Variants in MAPKAP1 observed in about 807,000 individuals in gnomAD.
MAPKAP1 encodes target of rapamycin complex 2 subunit MAPKAP1.
Under a neutral mutation model 65.7 loss-of-function variants are expected in MAPKAP1, and 20 were observed. The observed-to-expected ratio is 0.30, with a 90% CI of 0.21 to 0.44. The LOEUF is 0.44. Among genes scored for constraint, MAPKAP1 ranks in the 20% least tolerant of loss-of-function variants. The pLI, the probability that MAPKAP1 is intolerant of heterozygous loss-of-function variation, is 1.00. For missense variants in MAPKAP1, 423 were observed against 648.0 expected, an observed-to-expected ratio of 0.65 and a Z score of 3.77; for synonymous variants, 222 against 244.3, an observed-to-expected ratio of 0.91 and a Z score of 0.85.
At chr9:125,624,795 A>AG (rs1833047064) in intron 4 of MAPKAP1, among the ~76,000 whole-genome samples, 1 of 85,302 alleles carries the variant, frequency 1.2e-5, no homozygotes. Context: ...TGTGGAATAG[A>AG]AAGGCGGGAA....
intron 8 of MAPKAP1, among the ~76,000 whole-genome samples, chr9:125,503,928 G>C (rs1427059177): frequency 7.3e-6 from 1 of 137,274 alleles, no homozygotes; most frequent in Non-Finnish European, 1.5e-5. Context: ...GTAGAGACGG[G>C]GGTTTGCCAT....
At position 125,639,014 on chromosome 9, in the gene MAPKAP1, G is replaced by A. The variant is rs116122382; in HGVS notation, c.498+18637C>T. Among the ~76,000 whole-genome samples the A allele has an allele frequency of 5.2e-3, 788 of 152,172 alleles. 4 individuals carry two copies. Among genetic ancestry groups the A allele is most frequent in the African/African-American group, 0.017 (712 of 41,514 alleles). On this transcript the variant is annotated intron_variant, in intron 4 of 11. Coordinates refer to ENST00000265960, the MANE Select transcript of MAPKAP1 (RefSeq NM_001006617.3). ...AACACTTTGGGAGGCTGAGACGGGC[G>A]GACCACCTGAAGCCAGGAGTTCGAG...
Position 125,552,798 on chromosome 9 carries a change from C to A in MAPKAP1, c.848+6835G>T, listed in dbSNP as rs184874964. On this transcript the variant is annotated intron_variant, in intron 6 of 11. Coordinates refer to ENST00000265960, the MANE Select transcript of MAPKAP1 (RefSeq NM_001006617.3). ...CAGAATTTAAAAACCTGTTTTCTAA[C>A]GGTGATGTGAGCCTCTAGTTCCAGC... Among the ~76,000 whole-genome samples, 371 of 152,254 alleles carry A rather than the reference C, an allele frequency of 2.4e-3. 2 individuals are homozygous for A. Among genetic ancestry groups the A allele is most frequent in the Non-Finnish European group, 4.0e-3 (275 of 68,024 alleles).
intron 6 of MAPKAP1, among the ~76,000 whole-genome samples, chr9:125,557,345 A>C (rs7041061): frequency 0.011 from 1,710 of 152,336 alleles, 40 homozygotes; most frequent in African/African-American, 0.038. Context: ...AAAAAGTTCT[A>C]GTCATATTAA....
At chr9:125,452,431 C>A (rs1008146704) in intron 10 of MAPKAP1, among the ~76,000 whole-genome samples, 1 of 152,022 alleles carries the variant, frequency 6.6e-6, no homozygotes, top group Non-Finnish European at 1.5e-5. Context: ...ACCATCTGGA[C>A]CCCCTACTTA....
At chr9:125,577,464 C>T (rs960404965) in intron 5 of MAPKAP1, among the ~76,000 whole-genome samples, 5 of 146,242 alleles carry the variant, frequency 3.4e-5, no homozygotes, top group African/African-American at 7.6e-5. Flanking sequence ...CCCAGCCAGC[C>T]GCCCCGTCTG....
intron 10 of MAPKAP1, among the ~76,000 whole-genome samples, chr9:125,454,383 A>G (rs920027338): frequency 2.0e-5 from 3 of 152,222 alleles, no homozygotes; most frequent in African/African-American, 7.2e-5. Flanking sequence ...CAAGTACTCT[A>G]TGGGAGGCTA....
At chr9:125,572,840 T>C (rs955458648) in intron 5 of MAPKAP1, 2 of 152,222 alleles carry the variant, frequency 1.3e-5, no homozygotes, top group Non-Finnish European at 2.9e-5. Context: ...TGTGTAGGAA[T>C]ACAGGACAAG....
At chr9:125,502,265 C>T (rs569096308) in intron 8 of MAPKAP1, among the ~76,000 whole-genome samples, 4 of 152,004 alleles carry the variant, frequency 2.6e-5, no homozygotes, top group African/African-American at 9.7e-5. Flanking sequence ...CCATGCCTGG[C>T]TAATTTTTAA....
chr9:125,565,773 T>C (rs1009698819), intron 5 of MAPKAP1: 2 of 413,214 alleles, frequency 4.8e-6, no homozygotes, highest in Non-Finnish European at 9.6e-6. Flanking sequence ...AAAAGGTTAT[T>C]ATCTATAACT....
chr9:125,665,942 TGAG>T (rs1307461859), intron 3 of MAPKAP1, among the ~76,000 whole-genome samples: 3 of 152,356 alleles, frequency 2.0e-5, no homozygotes, highest in South Asian at 2.1e-4. Flanking sequence ...TCGAACTTCT[TGAG>T]GAGAGGATTC....
chr9:125,608,491 C>A (rs544961557), intron 4 of MAPKAP1, among the ~76,000 whole-genome samples: 1 of 152,302 alleles, frequency 6.6e-6, no homozygotes, highest in African/African-American at 2.4e-5. Context: ...ATCACATTTG[C>A]ATTTAGGGCT....
intron 1 of MAPKAP1, among the ~76,000 whole-genome samples, chr9:125,691,255 C>T (rs866830136): frequency 2.6e-5 from 4 of 151,908 alleles, no homozygotes; most frequent in African/African-American, 4.8e-5. Context: ...AGCAAGACTC[C>T]GTCTCAAAAA....
At chr9:125,564,191 G>GA (rs1274190611) in intron 5 of MAPKAP1, among the ~76,000 whole-genome samples, 9 of 152,200 alleles carry the variant, frequency 5.9e-5, no homozygotes, top group Non-Finnish European at 1.2e-4. Flanking sequence ...CAAAGGTGAG[G>GA]ATGAAAGGGG....
intron 4 of MAPKAP1, among the ~76,000 whole-genome samples, chr9:125,656,907 A>T (rs1834048066): frequency 6.6e-6 from 1 of 152,204 alleles, no homozygotes; most frequent in Non-Finnish European, 1.5e-5. Flanking sequence ...AATAGTGGCC[A>T]TGTTTCTAAA....
chr9:125,653,909 T>A (rs1180266125), intron 4 of MAPKAP1, among the ~76,000 whole-genome samples: 1 of 152,158 alleles, frequency 6.6e-6, no homozygotes, highest in Non-Finnish European at 1.5e-5. Flanking sequence ...TATTACTAAC[T>A]GTATTGACAG....
In MAPKAP1 at chr9:125,467,892, A is replaced by C. The variant is rs143886544; in HGVS notation, c.1345+80T>G. ...AAGGAAAAAAGGACACAGTGGCAAT[A>C]TATTCTCCTGGCACCCAGCACACAG... On this transcript the variant is annotated intron_variant, in intron 10 of 11. Coordinates refer to ENST00000265960, the MANE Select transcript of MAPKAP1 (RefSeq NM_001006617.3). The C allele has an allele frequency of 3.6e-4, 531 of 1,465,142 alleles. 1 individual carries two copies. In the African/African-American group the frequency reaches 6.8e-3, roughly 19 times the overall value. 90.8% of individuals were successfully genotyped at this position (1,465,142 alleles called of 1,614,324 possible).
At chr9:125,443,844 C>A in intron 11 of MAPKAP1, among the ~76,000 whole-genome samples, 1 of 152,120 alleles carries the variant, frequency 6.6e-6, no homozygotes, top group Non-Finnish European at 1.5e-5. Context: ...CTCTCCCTGC[C>A]TCCATACCTC....
At chr9:125,686,564 G>A (rs938422602) in intron 1 of MAPKAP1, among the ~76,000 whole-genome samples, 1 of 152,112 alleles carries the variant, frequency 6.6e-6, no homozygotes, top group Admixed American at 6.5e-5. Flanking sequence ...AGGAAAAGGA[G>A]GATGTGACTG....
Sources: gnomAD v4.1 joint callset for allele counts (sites outside exome capture counted in the v4.1 genomes callset) on GRCh38, gnomAD v4.1.1 for gene constraint, MANE v1.5 for transcripts, NCBI Gene and HGNC (gene_info 2026-07-23, HGNC 2026-07-21) for gene names.